The following SGMS1 variants were observed in gnomAD, a reference collection of about 807,000 sequenced individuals.
The protein encoded by SGMS1 is phosphatidylcholine:ceramide cholinephosphotransferase 1.
A neutral mutation model predicts 46.2 loss-of-function variants in SGMS1; 13 were observed. The ratio of observed to expected loss-of-function variants is 0.28; its 90% CI spans 0.18 to 0.45. The LOEUF (loss-of-function observed/expected upper bound fraction) is 0.45. Among genes scored for constraint, SGMS1 ranks in the 20% least tolerant of loss-of-function variants. The probability of loss-of-function intolerance (pLI) is 1.00; values close to 1 mark genes in which losing one functional copy is unlikely to be tolerated. For synonymous variants in SGMS1, 203 were observed against 187.8 expected, an observed-to-expected ratio of 1.08 and a Z score of -0.66; for missense variants, 324 against 519.9, an observed-to-expected ratio of 0.62 and a Z score of 3.66.
At chr10:50,567,546 C>G (rs572331901) in intron 2 of SGMS1, among the ~76,000 whole-genome samples, 2 of 152,292 alleles carry the variant, frequency 1.3e-5, no homozygotes, top group East Asian at 3.9e-4. Flanking sequence ...GGGCTGCCAC[C>G]TGGCAACGAG....
intron 2 of SGMS1, 89 bp from the exon 3 acceptor site, chr10:50,520,010 A>T (rs1837843877): frequency 6.6e-6 from 1 of 152,334 alleles, no homozygotes; most frequent in East Asian, 1.9e-4. Context: ...CATATAATCA[A>T]ATCAATTAAA....
At chr10:50,309,693 A>G (rs1360389919) in intron 9 of SGMS1, among the ~76,000 whole-genome samples, 2 of 152,200 alleles carry the variant, frequency 1.3e-5, no homozygotes, top group Non-Finnish European at 2.9e-5. Context: ...CGTACTAAGT[A>G]TAAGCACTGG....
At chr10:50,423,881 C>G (rs1276812239) in intron 6 of SGMS1, among the ~76,000 whole-genome samples, 1 of 152,182 alleles carries the variant, frequency 6.6e-6, no homozygotes, top group African/African-American at 2.4e-5. Flanking sequence ...CCATTTAGAA[C>G]AAGAAAAACA....
intron 2 of SGMS1, among the ~76,000 whole-genome samples, chr10:50,581,613 A>G (rs1422838353): frequency 1.5e-4 from 23 of 152,240 alleles, no homozygotes; most frequent in Non-Finnish European, 3.4e-4. Flanking sequence ...TAAGGAGCTA[A>G]GAACAAAATA....
intron 6 of SGMS1, among the ~76,000 whole-genome samples, chr10:50,425,600 G>A (rs532089525): frequency 2.1e-4 from 32 of 152,262 alleles, no homozygotes; most frequent in African/African-American, 6.3e-4. Context: ...TACTAGACAG[G>A]GGAGGGAGGA....
At chr10:50,372,745 A>G (rs1403173924) in intron 6 of SGMS1, among the ~76,000 whole-genome samples, 2 of 152,016 alleles carry the variant, frequency 1.3e-5, no homozygotes, top group African/African-American at 4.8e-5. Flanking sequence ...GAAAGTATAT[A>G]CCTCCTTTAA....
intron 6 of SGMS1, among the ~76,000 whole-genome samples, chr10:50,420,109 A>G (rs1402115210): frequency 2.0e-5 from 3 of 152,216 alleles, no homozygotes; most frequent in Non-Finnish European, 4.4e-5. Flanking sequence ...ATCGGCCTAT[A>G]GCCTCACATT....
At chr10:50,456,519 A>C (rs1368454131) in intron 5 of SGMS1, among the ~76,000 whole-genome samples, 1 of 152,148 alleles carries the variant, frequency 6.6e-6, no homozygotes, top group Non-Finnish European at 1.5e-5. Flanking sequence ...CTTCTGTTAC[A>C]TGTTCACCCA....
chr10:50,572,809 C>T (rs1838347603), intron 2 of SGMS1, among the ~76,000 whole-genome samples: 1 of 152,040 alleles, frequency 6.6e-6, no homozygotes, highest in African/African-American at 2.4e-5. Context: ...AATTATAGGA[C>T]CTGTCTCATC....
intron 6 of SGMS1, among the ~76,000 whole-genome samples, chr10:50,345,832 A>G (rs946124472): frequency 6.6e-6 from 1 of 152,236 alleles, no homozygotes; most frequent in African/African-American, 2.4e-5. Flanking sequence ...GATAAGGGAT[A>G]CTCAACTTAC....
chr10:50,573,804 T>C (rs1838356714), intron 2 of SGMS1, among the ~76,000 whole-genome samples: 2 of 152,312 alleles, frequency 1.3e-5, no homozygotes, highest in Non-Finnish European at 2.9e-5. Flanking sequence ...GAAAACATTA[T>C]GGTACTGGCA....
At chr10:50,614,019 C>T (rs181015319) in intron 1 of SGMS1, among the ~76,000 whole-genome samples, 153 of 152,252 alleles carry the variant, frequency 1.0e-3, no homozygotes, top group Non-Finnish European at 1.9e-3. Context: ...TATCTTCTGC[C>T]TCTCCACTGT....
chr10:50,517,489 A>T (rs901781415), intron 3 of SGMS1, among the ~76,000 whole-genome samples: 7 of 152,202 alleles, frequency 4.6e-5, no homozygotes, highest in African/African-American at 1.7e-4. Flanking sequence ...ATTACAGAAT[A>T]AAGCAGGGAA....
At chr10:50,422,255 G>C (rs1388318094) in intron 6 of SGMS1, among the ~76,000 whole-genome samples, 2 of 152,080 alleles carry the variant, frequency 1.3e-5, no homozygotes, top group Non-Finnish European at 2.9e-5. Context: ...AGCAGATTCT[G>C]CATAAATAGT....
intron 5 of SGMS1, among the ~76,000 whole-genome samples, chr10:50,446,667 T>C (rs1433187042): frequency 6.6e-6 from 1 of 152,214 alleles, no homozygotes; most frequent in Non-Finnish European, 1.5e-5. Flanking sequence ...ACACTCAGTA[T>C]AACTACATAT....
intron 6 of SGMS1, among the ~76,000 whole-genome samples, chr10:50,365,450 T>C (rs1848323644): frequency 6.6e-6 from 1 of 152,126 alleles, no homozygotes. Flanking sequence ...AGTTACAAGA[T>C]ACACGTGCAG....
chr10:50,467,583 A>C (rs1174606570), intron 3 of SGMS1, among the ~76,000 whole-genome samples: 1 of 152,222 alleles, frequency 6.6e-6, no homozygotes, highest in African/African-American at 2.4e-5. Flanking sequence ...TATTTTTTAA[A>C]AAATTAGTAA....
intron 2 of SGMS1, among the ~76,000 whole-genome samples, chr10:50,581,181 C>A (rs547701251): frequency 6.6e-6 from 1 of 152,142 alleles, no homozygotes; most frequent in Non-Finnish European, 1.5e-5. Flanking sequence ...ATGTAAGGAG[C>A]GGGGAGTTAT....
At chr10:50,326,188 G>A (rs1161974120) in intron 8 of SGMS1, among the ~76,000 whole-genome samples, 3 of 151,942 alleles carry the variant, frequency 2.0e-5, no homozygotes, top group Non-Finnish European at 2.9e-5. Context: ...ATTAAAAAAA[G>A]CAAAAAGTTA....
Sources: allele counts gnomAD v4.1 joint callset (sites outside exome capture counted in the v4.1 genomes callset), GRCh38; gene constraint gnomAD v4.1.1; transcripts MANE v1.5; gene names NCBI Gene and HGNC (gene_info 2026-07-23, HGNC 2026-07-21).